TMEM156: variants seen among roughly 807,000 people sequenced by gnomAD.
The protein encoded by TMEM156 is transmembrane protein 156.
In TMEM156, 28 loss-of-function variants were observed where a neutral mutation model predicts 30.5. That is an observed-to-expected ratio of 0.92 (90% CI 0.68 to 1.26). The LOEUF is 1.26. Among genes scored for constraint, TMEM156 ranks in the 50% most tolerant of loss-of-function variants. The pLI is 0.00. For synonymous variants in TMEM156, 137 were observed against 119.9 expected (o/e 1.14, Z -0.93); for missense variants, 351 against 340.6 (o/e 1.03, Z -0.24).
chr4:39,010,947 A>C (rs1295029888), intron 1 of TMEM156, among the ~76,000 whole-genome samples: 1 of 152,206 alleles, frequency 6.6e-6, no homozygotes, highest in Admixed American at 6.5e-5. Flanking sequence ...TCTTCACTGC[A>C]AAATAAACTA....
At chr4:38,968,350 A>G (rs192993637) in intron 6 of TMEM156, among the ~76,000 whole-genome samples, 1 of 152,332 alleles carries the variant, frequency 6.6e-6, no homozygotes, top group East Asian at 1.9e-4. Context: ...GCTAGGCATC[A>G]TGTCCTCTGA....
intron 1 of TMEM156, among the ~76,000 whole-genome samples, chr4:39,022,383 C>G (rs1203192445): frequency 6.6e-6 from 1 of 152,230 alleles, no homozygotes; most frequent in Non-Finnish European, 1.5e-5. Flanking sequence ...ACTTTGCCTT[C>G]TGTCTCCTGA....
intron 5 of TMEM156, among the ~76,000 whole-genome samples, chr4:38,977,760 T>A (rs1479265454): frequency 6.6e-6 from 1 of 152,222 alleles, no homozygotes; most frequent in East Asian, 1.9e-4. Context: ...AAAATTTTTT[T>A]AAATCCCAGT....
chr4:38,973,784 G>C (rs1461404681), intron 5 of TMEM156, among the ~76,000 whole-genome samples: 1 of 152,074 alleles, frequency 6.6e-6, no homozygotes, highest in Non-Finnish European at 1.5e-5. Flanking sequence ...GGCAGGGCAC[G>C]CTTTTAGTGT....
intron 3 of TMEM156, among the ~76,000 whole-genome samples, chr4:38,993,100 C>A (rs1712661189): frequency 6.6e-6 from 1 of 151,376 alleles, no homozygotes; most frequent in Admixed American, 6.6e-5. Context: ...CTTTAGTACA[C>A]AAATATGGTG....
chr4:38,976,317 C>G (rs561844848), intron 5 of TMEM156, among the ~76,000 whole-genome samples: 2 of 143,504 alleles, frequency 1.4e-5, no homozygotes, highest in Middle Eastern at 3.7e-3. Flanking sequence ...AAAAAGCAAA[C>G]TGCCATGCTG....
chr4:38,970,897 T>A (rs1257578931), intron 6 of TMEM156, 135 bp downstream of exon 6: 1 of 565,178 alleles, frequency 1.8e-6, no homozygotes, highest in East Asian at 3.1e-5. Flanking sequence ...GTCATCTAAT[T>A]CATATGAACT....
intron 5 of TMEM156, among the ~76,000 whole-genome samples, chr4:38,985,544 G>A (rs748993726): frequency 6.6e-6 from 1 of 152,100 alleles, no homozygotes; most frequent in Admixed American, 6.6e-5. Context: ...AGGTTTGCTC[G>A]GCATCCTCCC....
rs1265119737 is a variant in TMEM156 at position 38,999,458 on chromosome 4, TTA to T, written c.89-551_89-550del. Among the ~76,000 whole-genome samples, 5 of 120,226 alleles carry T rather than the reference TTA, an allele frequency of 4.2e-5. No homozygotes were observed. The East Asian group carries it at 1.5e-3, about 37-fold the overall frequency. The allele number at this position is 120,226 out of a possible 152,430, so 78.9% of individuals were successfully genotyped here. On this transcript the variant is annotated intron_variant, in intron 1 of 6. Coordinates refer to ENST00000381938, the MANE Select transcript of TMEM156 (RefSeq NM_024943.3). ...CTGGGGAATTTTTTATGGACAAACCTTAGATTCTTCTGAATCCATCTGTTCCA... is the reference window on the plus strand; with the variant it reads ...CTGGGGAATTTTTTATGGACAAACCTGATTCTTCTGAATCCATCTGTTCCA...
At chr4:38,994,873 C>G (rs11096968) in intron 2 of TMEM156, among the ~76,000 whole-genome samples, 19,743 of 151,744 alleles carry the variant, frequency 0.13, 1,370 homozygotes, top group East Asian at 0.21. Flanking sequence ...GGGAGGCAGA[C>G]GTTGCAGTGG....
At chr4:39,009,494 C>A (rs956948059) in intron 1 of TMEM156, among the ~76,000 whole-genome samples, 1 of 152,064 alleles carries the variant, frequency 6.6e-6, no homozygotes, top group African/African-American at 2.4e-5. Flanking sequence ...TGCAAAAATT[C>A]TCAGCAAAAT....
chr4:38,989,257 C>T (rs1712241481), intron 3 of TMEM156, among the ~76,000 whole-genome samples: 1 of 152,154 alleles, frequency 6.6e-6, no homozygotes, highest in Non-Finnish European at 1.5e-5. Context: ...TTTCACTATC[C>T]TCGCTGTAAC....
At chr4:39,017,175 T>C (rs1216385910) in intron 1 of TMEM156, among the ~76,000 whole-genome samples, 4 of 126,982 alleles carry the variant, frequency 3.2e-5, no homozygotes, top group East Asian at 4.3e-4. Context: ...TTTCTTCTTT[T>C]TTTTTTTTTT....
intron 4 of TMEM156, among the ~76,000 whole-genome samples, chr4:38,987,690 G>GT: frequency 6.6e-6 from 1 of 152,274 alleles, no homozygotes; most frequent in East Asian, 1.9e-4. Flanking sequence ...GGTAAACTTT[G>GT]TAAGTAATCT....
intron 5 of TMEM156, among the ~76,000 whole-genome samples, chr4:38,984,946 T>G (rs1369671033): frequency 6.6e-6 from 1 of 152,134 alleles, no homozygotes; most frequent in Non-Finnish European, 1.5e-5. Context: ...AGGTTAGTCT[T>G]GTGGTTAGCT....
intron 4 of TMEM156, among the ~76,000 whole-genome samples, chr4:38,986,665 G>A (rs947546129): frequency 1.3e-5 from 2 of 151,310 alleles, no homozygotes; most frequent in Non-Finnish European, 2.9e-5. Flanking sequence ...AAAATTAGCT[G>A]GGCGTGGTGG....
At chr4:39,008,076 T>C (rs1713862773) in intron 1 of TMEM156, among the ~76,000 whole-genome samples, 1 of 152,184 alleles carries the variant, frequency 6.6e-6, no homozygotes, top group African/African-American at 2.4e-5. Flanking sequence ...CAAATAATTA[T>C]AACTTTATTT....
intron 1 of TMEM156, among the ~76,000 whole-genome samples, chr4:39,014,763 A>C (rs1340689249): frequency 1.3e-5 from 2 of 152,090 alleles, no homozygotes; most frequent in Non-Finnish European, 2.9e-5. Flanking sequence ...ATCTCAAAAA[A>C]AAAAAAAAAA....
At chr4:38,991,661 A>AT (rs928965810) in intron 3 of TMEM156, among the ~76,000 whole-genome samples, 26 of 139,816 alleles carry the variant, frequency 1.9e-4, no homozygotes, top group South Asian at 9.9e-4. Flanking sequence ...GAATTTATGG[A>AT]TTTTTTTCCA....
Sources: gnomAD v4.1 joint callset for allele counts (sites outside exome capture counted in the v4.1 genomes callset) on GRCh38, gnomAD v4.1.1 for gene constraint, MANE v1.5 for transcripts, NCBI Gene and HGNC (gene_info 2026-07-23, HGNC 2026-07-21) for gene names.